The following CAMK1D variants were observed in gnomAD, a reference collection of about 807,000 sequenced individuals.
The protein encoded by CAMK1D is calcium/calmodulin dependent protein kinase ID.
A neutral mutation model predicts 47.7 loss-of-function variants in CAMK1D; 9 were observed. That is an observed-to-expected ratio of 0.19 (90% confidence interval 0.11 to 0.33). The LOEUF (loss-of-function observed/expected upper bound fraction) is 0.33, where lower values mean the gene tolerates loss of function less well. Ranked by LOEUF, CAMK1D falls within the 10% of genes least tolerant of loss-of-function variation. CAMK1D has a pLI of 1.00. For missense variants in CAMK1D, 291 were observed against 488.7 expected, an observed-to-expected ratio of 0.60 and a Z score of 3.81; for synonymous variants, 184 against 184.9, an observed-to-expected ratio of 0.99 and a Z score of 0.04.
At chr10:12,423,584 C>T (rs1465106334) in intron 1 of CAMK1D, among the ~76,000 whole-genome samples, 1 of 152,178 alleles carries the variant, frequency 6.6e-6, no homozygotes, top group East Asian at 1.9e-4. Context: ...CCTCCGGCTC[C>T]TGTGTGAGTT....
chr10:12,354,879 T>C (rs1837462033), intron 1 of CAMK1D, among the ~76,000 whole-genome samples: 2 of 148,158 alleles, frequency 1.3e-5, no homozygotes, highest in Admixed American at 6.8e-5. Flanking sequence ...CCTTGCTCTG[T>C]CACTCAGGCT....
intron 2 of CAMK1D, among the ~76,000 whole-genome samples, chr10:12,609,787 C>T (rs1838569274): frequency 1.3e-5 from 2 of 152,252 alleles, no homozygotes; most frequent in South Asian, 4.1e-4. Flanking sequence ...GGCCTGCAGG[C>T]TGAGGACCCC....
chr10:12,402,187 G>A (rs1026402023), intron 1 of CAMK1D, among the ~76,000 whole-genome samples: 7 of 151,500 alleles, frequency 4.6e-5, no homozygotes, highest in African/African-American at 1.2e-4. Flanking sequence ...AGTGATCTGC[G>A]TGCCTCGGCT....
At chr10:12,786,546 T>A (rs1168177863) in intron 5 of CAMK1D, among the ~76,000 whole-genome samples, 2 of 152,204 alleles carry the variant, frequency 1.3e-5, no homozygotes, top group African/African-American at 2.4e-5. Flanking sequence ...TGTATTTTTT[T>A]ATTTGTTTGT....
rs77845253 is a variant in CAMK1D at position 12,695,056 on chromosome 10, A to C, written c.299+28246A>C. 5.3e-3 allele frequency among the ~76,000 whole-genome samples: 384 copies of C among 71,944 alleles called. 2 individuals carry two copies. The highest frequency in any genetic ancestry group is 0.011 in the Non-Finnish European group (346 of 31,950). 47.2% of individuals were successfully genotyped at this position (71,944 alleles called of 152,430 possible). A position where few individuals can be genotyped will look rare whatever the true frequency, so the allele number is the denominator to read the frequency against. ...GATAGATAGATAGATAGATAGATAG[A>C]TAGATAGATACATAGGTAGATACAT... On this transcript the variant is annotated intron_variant, in intron 3 of 10. Transcript: ENST00000619168.
intron 2 of CAMK1D, among the ~76,000 whole-genome samples, chr10:12,600,392 C>G (rs1467931012): frequency 6.6e-6 from 1 of 152,134 alleles, no homozygotes; most frequent in Non-Finnish European, 1.5e-5. Flanking sequence ...CCAGGCAAAC[C>G]TAGAAAGAGT....
At chr10:12,350,952 TG>T (rs1337358069) in intron 1 of CAMK1D, among the ~76,000 whole-genome samples, 4 of 152,218 alleles carry the variant, frequency 2.6e-5, no homozygotes, top group African/African-American at 9.7e-5. Flanking sequence ...AGCTATTTCA[TG>T]GGATAAATCA....
At chr10:12,571,696 T>C (rs1837333552) in intron 2 of CAMK1D, among the ~76,000 whole-genome samples, 1 of 152,062 alleles carries the variant, frequency 6.6e-6, no homozygotes, top group Admixed American at 6.6e-5. Flanking sequence ...TATCAGGTAA[T>C]GGTCCATTTA....
At chr10:12,503,768 G>T (rs1480155005) in intron 1 of CAMK1D, among the ~76,000 whole-genome samples, 1 of 152,150 alleles carries the variant, frequency 6.6e-6, no homozygotes, top group Non-Finnish European at 1.5e-5. Flanking sequence ...AGGTCCATGG[G>T]CTCCTGCAGG....
At chr10:12,668,547 T>C (rs1023314120) in intron 3 of CAMK1D, among the ~76,000 whole-genome samples, 3 of 152,166 alleles carry the variant, frequency 2.0e-5, no homozygotes, top group African/African-American at 7.2e-5. Context: ...GGGATAATAA[T>C]ATTTTCATTA....
At chr10:12,553,191 A>G in intron 1 of CAMK1D, 34 bp from the exon 2 acceptor site, 2 of 1,613,226 alleles carry the variant, frequency 1.2e-6, no homozygotes, top group Non-Finnish European at 1.7e-6. Flanking sequence ...GGACTTCTGC[A>G]TCTAAGTGTT....
chr10:12,632,331 G>A (rs994816027), intron 2 of CAMK1D, among the ~76,000 whole-genome samples: 1 of 152,200 alleles, frequency 6.6e-6, no homozygotes, highest in African/African-American at 2.4e-5. Flanking sequence ...AGGGGAATAG[G>A]AATGTCACGG....
At chr10:12,785,054 G>T (rs967866164) in intron 5 of CAMK1D, among the ~76,000 whole-genome samples, 7 of 152,192 alleles carry the variant, frequency 4.6e-5, no homozygotes, top group African/African-American at 7.2e-5. Flanking sequence ...TGCCCAATGT[G>T]TGTCAACTGA....
In CAMK1D at chr10:12,391,797, A is replaced by G. The variant is rs140340571; in HGVS notation, c.92+41887A>G. On this transcript the variant is annotated intron_variant, in intron 1 of 10. Coordinates refer to ENST00000619168, the MANE Select transcript of CAMK1D (RefSeq NM_153498.4). ...TAGGAAGACTAGAACCGAATCATCC[A>G]GGACTCAAAATAGAGTTTCTCCCTC... is the stretch of plus-strand genomic sequence containing the variant. 1.1e-4 allele frequency among the ~76,000 whole-genome samples: 16 copies of G among 152,356 alleles called. No homozygotes were observed. The East Asian group carries it at 2.5e-3, about 24-fold the overall frequency.
intron 1 of CAMK1D, among the ~76,000 whole-genome samples, chr10:12,464,899 A>G (rs536139242): frequency 1.3e-4 from 20 of 152,244 alleles, no homozygotes; most frequent in African/African-American, 4.8e-4. Context: ...GCACTTAAGA[A>G]CCATTCACAA....
At chr10:12,413,523 T>TG in intron 1 of CAMK1D, among the ~76,000 whole-genome samples, 1 of 152,000 alleles carries the variant, frequency 6.6e-6, no homozygotes, top group Non-Finnish European at 1.5e-5. Context: ...ATGATGGTGA[T>TG]AATGGTGATG....
At chr10:12,666,843 C>T (rs754320936) in intron 3 of CAMK1D, 33 bp downstream of exon 3, 1 of 1,540,126 alleles carries the variant, frequency 6.5e-7, no homozygotes, top group Non-Finnish European at 9.0e-7. Context: ...GAGTTTTGAA[C>T]CAACTTGCAA....
chr10:12,690,940 G>A (rs184513099), intron 3 of CAMK1D, among the ~76,000 whole-genome samples: 1 of 152,236 alleles, frequency 6.6e-6, no homozygotes, highest in Non-Finnish European at 1.5e-5. Flanking sequence ...ATGGCCACTA[G>A]GTGTTGTTTT....
At chr10:12,574,259 G>A (rs1412583912) in intron 2 of CAMK1D, among the ~76,000 whole-genome samples, 1 of 151,332 alleles carries the variant, frequency 6.6e-6, no homozygotes, top group Non-Finnish European at 1.5e-5. Context: ...CATTGCTTAA[G>A]TACATTTGCC....
Sources: allele counts gnomAD v4.1 joint callset (sites outside exome capture counted in the v4.1 genomes callset), GRCh38; gene constraint gnomAD v4.1.1; transcripts MANE v1.5; gene names NCBI Gene and HGNC (gene_info 2026-07-23, HGNC 2026-07-21).